SLC30A7: variants seen among roughly 807,000 people sequenced by gnomAD.
SLC30A7 encodes the protein zinc transporter 7.
SLC30A7 carries 35 observed loss-of-function variants against 46.0 expected under a neutral mutation model. The observed-to-expected ratio is 0.76, with a 90% confidence interval of 0.58 to 1.01. SLC30A7 has a LOEUF of 1.01. Among genes scored for constraint, SLC30A7 ranks in the 50% least tolerant of loss-of-function variants. The pLI is 0.00. For synonymous variants in SLC30A7, 147 were observed against 157.8 expected (o/e 0.93, Z 0.51); for missense variants, 464 against 451.1 (o/e 1.03, Z -0.26).
intron 9 of SLC30A7, among the ~76,000 whole-genome samples, chr1:100,962,677 C>G (rs1655616226): frequency 6.6e-6 from 1 of 152,166 alleles, no homozygotes; most frequent in Non-Finnish European, 1.5e-5. Context: ...TTAATTCTAA[C>G]TCAGTGGGAA....
At chr1:100,957,304 T>C (rs1180107148) in intron 8 of SLC30A7, among the ~76,000 whole-genome samples, 3 of 152,238 alleles carry the variant, frequency 2.0e-5, no homozygotes, top group Non-Finnish European at 4.4e-5. Context: ...TAAAATTCAT[T>C]TGCTGGATTT....
chr1:100,897,153 T>C (rs1256462687), intron 2 of SLC30A7, among the ~76,000 whole-genome samples: 2 of 152,110 alleles, frequency 1.3e-5, no homozygotes, highest in African/African-American at 4.8e-5. Flanking sequence ...GGAATATGTG[T>C]CATTCTCTTC....
At chr1:100,930,144 T>G (rs557013173) in intron 8 of SLC30A7, among the ~76,000 whole-genome samples, 2 of 152,186 alleles carry the variant, frequency 1.3e-5, no homozygotes, top group East Asian at 3.9e-4. Context: ...TCTGAAGCCT[T>G]GCTAGATTTT....
intron 8 of SLC30A7, among the ~76,000 whole-genome samples, chr1:100,942,869 T>TGG (rs1351132632): frequency 6.6e-6 from 1 of 152,192 alleles, no homozygotes; most frequent in African/African-American, 2.4e-5. Flanking sequence ...GAAGAGAGAA[T>TGG]GGGGCTGCCT....
chr1:100,942,742 C>G (rs558091438), intron 8 of SLC30A7, among the ~76,000 whole-genome samples: 2 of 152,312 alleles, frequency 1.3e-5, no homozygotes, highest in Admixed American at 1.3e-4. Context: ...TTATAACAAT[C>G]TAATGAGTTA....
intron 8 of SLC30A7, among the ~76,000 whole-genome samples, chr1:100,932,923 A>G (rs1437586881): frequency 9.2e-5 from 14 of 151,614 alleles, no homozygotes; most frequent in Non-Finnish European, 2.9e-5. Flanking sequence ...CCTCCCTTCC[A>G]GCCAGTTATT....
In SLC30A7 at chr1:100,896,200, G is replaced by A. The variant is rs1650905194; in HGVS notation, c.-63G>A. On this transcript the variant is annotated 5_prime_UTR_variant, in exon 1 of 11. Transcript: ENST00000357650. Reference sequence around the variant, plus strand: ...CGTTTGAGGCGTCACTACTGTCACTGCCATCACCCCACGGAGCCACTTCTA... The same window carrying A: ...CGTTTGAGGCGTCACTACTGTCACTACCATCACCCCACGGAGCCACTTCTA... 8 of 1,460,770 alleles carry A rather than the reference G, an allele frequency of 5.5e-6. No homozygotes were observed. Among genetic ancestry groups the A allele is most frequent in the Non-Finnish European group, 6.7e-6 (7 of 1,041,460 alleles). The allele number at this position is 1,460,770 out of a possible 1,614,324, so 90.5% of individuals were successfully genotyped here. A position where few individuals can be genotyped will look rare whatever the true frequency, so the allele number is the denominator to read the frequency against.
In SLC30A7 at chr1:100,977,331, A is replaced by G. The variant is rs1656589509; in HGVS notation, c.*2474A>G. On this transcript the variant is annotated 3_prime_UTR_variant, in exon 11 of 11. Coordinates refer to ENST00000357650, the MANE Select transcript of SLC30A7 (RefSeq NM_133496.5). ...ACTGATGTGAATTTGCATTTGTTAC[A>G]TTACATTGCCAGCGCATATCATTTA... is the stretch of plus-strand genomic sequence containing the variant. 1 of 152,208 alleles carries G rather than the reference A, an allele frequency of 6.6e-6. No homozygotes were observed. Among genetic ancestry groups the G allele is most frequent in the Non-Finnish European group, 1.5e-5 (1 of 68,030 alleles). 9.4% of individuals were successfully genotyped at this position (152,208 alleles called of 1,614,324 possible). A position where few individuals can be genotyped will look rare whatever the true frequency, so the allele number is the denominator to read the frequency against.
the SLC30A7 span, among the ~76,000 whole-genome samples, chr1:100,993,848 T>A: frequency 6.6e-6 from 1 of 151,516 alleles, no homozygotes; most frequent in African/African-American, 2.4e-5. Context: ...TTCAAGCAAT[T>A]CTCTGCCTCA....
chr1:100,955,938 A>C (rs564296118), intron 8 of SLC30A7, among the ~76,000 whole-genome samples: 5 of 152,138 alleles, frequency 3.3e-5, no homozygotes, highest in Admixed American at 6.5e-5. Flanking sequence ...ATTATTTTTA[A>C]ATTGCTATTG....
intron 2 of SLC30A7, among the ~76,000 whole-genome samples, chr1:100,905,354 T>C (rs1322153026): frequency 6.6e-6 from 1 of 152,122 alleles, no homozygotes; most frequent in Non-Finnish European, 1.5e-5. Context: ...TATTTCTCTT[T>C]GATGTTTAGT....
intron 1 of SLC30A7, 85 bp from the exon 2 acceptor site, chr1:100,896,485 G>A (rs1650941877): frequency 7.0e-7 from 1 of 1,432,828 alleles, no homozygotes; most frequent in African/African-American, 1.4e-5. Context: ...ATGTGAACTG[G>A]GAGGGTCTTG....
intron 3 of SLC30A7, among the ~76,000 whole-genome samples, chr1:100,907,755 T>G (rs531470104): frequency 2.6e-5 from 4 of 151,930 alleles, no homozygotes; most frequent in South Asian, 4.2e-4. Flanking sequence ...ATTCTCTTCC[T>G]TCTTCATCTG....
intron 3 of SLC30A7, among the ~76,000 whole-genome samples, chr1:100,907,463 CT>C (rs1328832777): frequency 6.6e-6 from 1 of 152,108 alleles, no homozygotes; most frequent in Non-Finnish European, 1.5e-5. Flanking sequence ...ATTGGATCAT[CT>C]TAGAGGCATA....
intron 8 of SLC30A7, among the ~76,000 whole-genome samples, chr1:100,960,959 T>G (rs1430948762): frequency 2.7e-5 from 4 of 147,218 alleles, no homozygotes; most frequent in South Asian, 2.2e-4. Context: ...TTTTTTTTTT[T>G]TTTTTTTTTT....
chr1:100,898,143 T>C (rs1651086490), intron 2 of SLC30A7, among the ~76,000 whole-genome samples: 1 of 152,188 alleles, frequency 6.6e-6, no homozygotes, highest in Non-Finnish European at 1.5e-5. Context: ...ATATTTTGTA[T>C]CAAGAGTGTA....
downstream of SLC30A7, among the ~76,000 whole-genome samples, chr1:100,983,375 CAAA>C (rs779529890): frequency 1.2e-4 from 9 of 76,488 alleles, no homozygotes; most frequent in African/African-American, 2.9e-4. Flanking sequence ...TACTTTGAGG[CAAA>C]AAAAAAAAAA....
chr1:100,929,449 T>C (rs1444450462), intron 8 of SLC30A7, among the ~76,000 whole-genome samples: 1 of 152,052 alleles, frequency 6.6e-6, no homozygotes, highest in Non-Finnish European at 1.5e-5. Context: ...TTGGTAAAAA[T>C]TTGCCTGATT....
At chr1:100,936,129 A>G (rs1307882423) in intron 8 of SLC30A7, among the ~76,000 whole-genome samples, 1 of 150,076 alleles carries the variant, frequency 6.7e-6, no homozygotes, top group Non-Finnish European at 1.5e-5. Flanking sequence ...GGCACAGTTT[A>G]CCATAGTAGT....
Sources: gnomAD v4.1 joint callset for allele counts (sites outside exome capture counted in the v4.1 genomes callset) on GRCh38, gnomAD v4.1.1 for gene constraint, MANE v1.5 for transcripts, NCBI Gene and HGNC (gene_info 2026-07-23, HGNC 2026-07-21) for gene names.